Variants in MAMDC2 observed in about 807,000 individuals in gnomAD.
MAMDC2 encodes MAM domain-containing protein 2.
Under a neutral mutation model 89.8 loss-of-function variants are expected in MAMDC2, and 57 were observed. The observed-to-expected ratio is 0.63, with a 90% CI of 0.51 to 0.79. The LOEUF is 0.79. Ranked by LOEUF, MAMDC2 falls within the 30% of genes least tolerant of loss-of-function variation. The pLI, the probability that MAMDC2 is intolerant of heterozygous loss-of-function variation, is 0.00. For missense variants in MAMDC2, 800 were observed against 820.6 expected (o/e 0.97, Z 0.31); for synonymous variants, 313 against 293.4 (o/e 1.07, Z -0.68).
chr9:70,114,416 A>G (rs1290413676), intron 5 of MAMDC2, among the ~76,000 whole-genome samples: 2 of 151,484 alleles, frequency 1.3e-5, no homozygotes, highest in Non-Finnish European at 2.9e-5. Flanking sequence ...GTGTGTGTGA[A>G]ATTTCCCAAA....
intron 2 of MAMDC2, among the ~76,000 whole-genome samples, chr9:70,102,091 T>A (rs1014657475): frequency 6.7e-6 from 1 of 150,080 alleles, no homozygotes; most frequent in Non-Finnish European, 1.5e-5. Flanking sequence ...ATTTCGTATG[T>A]GTGTGTGTTG....
chr9:70,138,084 C>T (rs1439720257), intron 7 of MAMDC2, among the ~76,000 whole-genome samples: 5 of 152,086 alleles, frequency 3.3e-5, no homozygotes, highest in African/African-American at 4.8e-5. Flanking sequence ...AAGTCTCCAC[C>T]GCCTATCATT....
intron 2 of MAMDC2, among the ~76,000 whole-genome samples, chr9:70,070,609 G>A (rs897841534): frequency 1.3e-5 from 2 of 152,144 alleles, no homozygotes; most frequent in African/African-American, 4.8e-5. Flanking sequence ...ATGTTTGATT[G>A]ATTAGAGAGA....
At chr9:70,065,130 G>A (rs1449857330) in intron 2 of MAMDC2, among the ~76,000 whole-genome samples, 1 of 152,142 alleles carries the variant, frequency 6.6e-6, no homozygotes, top group South Asian at 2.1e-4. Flanking sequence ...CAGGGATTAC[G>A]AGCTACTTAT....
At chr9:70,194,855 G>A (rs994279178) in intron 11 of MAMDC2, among the ~76,000 whole-genome samples, 1 of 152,076 alleles carries the variant, frequency 6.6e-6, no homozygotes, top group African/African-American at 2.4e-5. Flanking sequence ...CAAGTAAAAT[G>A]AGTTAGTAGA....
chr9:70,079,566 G>A (rs973010350), intron 2 of MAMDC2, among the ~76,000 whole-genome samples: 1 of 152,102 alleles, frequency 6.6e-6, no homozygotes, highest in Non-Finnish European at 1.5e-5. Context: ...CAAAGCCAAG[G>A]GGGTTTGCTT....
chr9:70,183,230 T>G (rs545865210), intron 11 of MAMDC2, among the ~76,000 whole-genome samples: 15 of 152,234 alleles, frequency 9.9e-5, no homozygotes, highest in Non-Finnish European at 1.9e-4. Context: ...TTATGATTTC[T>G]GTTCTTTTGC....
intron 2 of MAMDC2, among the ~76,000 whole-genome samples, chr9:70,096,373 A>C (rs943099220): frequency 2.0e-5 from 3 of 152,152 alleles, no homozygotes; most frequent in African/African-American, 7.2e-5. Flanking sequence ...TGAATTCTTC[A>C]CCCTAGTCAC....
In MAMDC2 at chr9:70,113,087, G is replaced by A. The variant is rs1563959945; in HGVS notation, c.598G>A (p.Val200Ile). ...WFVGGGSIRN[V>I]HSILPQDHTF... The stretch of plus-strand genomic sequence containing the variant: ...TGTTGGAGGAGGAAGTATTCGGAAT[G>A]TCCACTCCATTCTCCCACAGGATCA... The change falls in exon 5 of 14, where the codon GTC becomes ATC. Residue 200 changes from valine to isoleucine, a missense_variant. Coordinates refer to ENST00000377182, the MANE Select transcript of MAMDC2 (RefSeq NM_153267.5). 1.2e-6 allele frequency: 2 copies of A among 1,614,078 alleles called. No homozygotes were observed. The highest frequency in any genetic ancestry group is 1.7e-6 in the Non-Finnish European group (2 of 1,179,984).
At chr9:70,096,348 C>T (rs1927111) in intron 2 of MAMDC2, among the ~76,000 whole-genome samples, 6,442 of 152,170 alleles carry the variant, frequency 0.042, 407 homozygotes, top group African/African-American at 0.14. Context: ...TAAGAAAGGC[C>T]CAGGCTAACT....
chr9:70,198,869 C>A lies in MAMDC2; in HGVS notation c.1652-19468C>A, dbSNP rs191621512. Among the ~76,000 whole-genome samples the A allele has an allele frequency of 2.6e-3, 401 of 152,138 alleles. 2 individuals carry two copies. The highest frequency in any genetic ancestry group is 9.3e-3 in the African/African-American group (387 of 41,504). On this transcript the variant is annotated intron_variant, in intron 11 of 13. Transcript: ENST00000377182. ...TTATCTATAAAAGTTTGCTATGAGA[C>A]AAAAGAATATCACAACTCTGTTAGT...
chr9:70,104,448 A>T (rs1188424375), intron 2 of MAMDC2, among the ~76,000 whole-genome samples: 2 of 152,180 alleles, frequency 1.3e-5, no homozygotes, highest in Non-Finnish European at 2.9e-5. Context: ...CTAGGCATAC[A>T]CCTAGGAGAA....
intron 11 of MAMDC2, among the ~76,000 whole-genome samples, chr9:70,185,208 G>A (rs182177993): frequency 6.6e-6 from 1 of 152,320 alleles, no homozygotes; most frequent in East Asian, 1.9e-4. Flanking sequence ...ATCATCATTG[G>A]AGGCAGCAGA....
intron 2 of MAMDC2, among the ~76,000 whole-genome samples, chr9:70,054,525 T>G (rs1315470789): frequency 6.6e-6 from 1 of 151,922 alleles, no homozygotes; most frequent in Admixed American, 6.6e-5. Context: ...AGTTTAGATG[T>G]GAGAAGAAAG....
intron 2 of MAMDC2, among the ~76,000 whole-genome samples, chr9:70,056,734 T>G (rs4744970): frequency 0.17 from 26,166 of 152,088 alleles, 2,346 homozygotes; most frequent in African/African-American, 0.2. Flanking sequence ...CACAGCAGGA[T>G]TGAGCAGCAG....
intron 11 of MAMDC2, among the ~76,000 whole-genome samples, chr9:70,179,523 C>CAAAA (rs745526034): frequency 8.7e-4 from 79 of 90,872 alleles, no homozygotes; most frequent in East Asian, 2.8e-3. Context: ...GACTCCGTCT[C>CAAAA]AAAAAAAATA....
chr9:70,114,488 G>A (rs935244554), intron 5 of MAMDC2, among the ~76,000 whole-genome samples: 12 of 151,870 alleles, frequency 7.9e-5, no homozygotes, highest in East Asian at 1.9e-4. Flanking sequence ...CACACTTGCC[G>A]GTCAGGCCCT....
intron 2 of MAMDC2, among the ~76,000 whole-genome samples, chr9:70,056,625 C>T (rs1312174261): frequency 6.6e-6 from 1 of 152,168 alleles, no homozygotes; most frequent in Non-Finnish European, 1.5e-5. Flanking sequence ...GATTCATTTT[C>T]TCTTGGGCTT....
chr9:70,130,148 T>G (rs1029088553), intron 6 of MAMDC2, among the ~76,000 whole-genome samples: 2 of 152,034 alleles, frequency 1.3e-5, no homozygotes, highest in African/African-American at 4.8e-5. Flanking sequence ...TAATTACATT[T>G]GCGGTGACCC....
Sources: gnomAD v4.1 joint callset for allele counts (sites outside exome capture counted in the v4.1 genomes callset) on GRCh38, gnomAD v4.1.1 for gene constraint, MANE v1.5 for transcripts, NCBI Gene and HGNC (gene_info 2026-07-23, HGNC 2026-07-21) for gene names.